The following ACYP2 variants were observed in gnomAD, a reference collection of about 807,000 sequenced individuals.
ACYP2 encodes the protein acylphosphatase 2.
In ACYP2, 12 loss-of-function variants were observed where a neutral mutation model predicts 11.2. That is an observed-to-expected ratio of 1.08 (90% CI 0.69 to 1.74). ACYP2 has a LOEUF of 1.74. ACYP2 is among the 40% of genes most tolerant of loss of function. The pLI is 0.00. For synonymous variants in ACYP2, 43 were observed against 32.2 expected (o/e 1.33, Z -1.13); for missense variants, 134 against 101.9 (o/e 1.31, Z -1.35).
chr2:54,009,326 A>G (rs532509844), intron 2 of ACYP2, among the ~76,000 whole-genome samples: 7 of 152,070 alleles, frequency 4.6e-5, no homozygotes, highest in African/African-American at 7.2e-5. Flanking sequence ...TTGGAGGCCA[A>G]GGTTGACAGA....
At chr2:54,042,009 CTTT>C (rs111463982) in intron 2 of ACYP2, among the ~76,000 whole-genome samples, 13 of 136,546 alleles carry the variant, frequency 9.5e-5, no homozygotes, top group East Asian at 4.3e-4. Flanking sequence ...TTTATTCTTT[CTTT>C]TTTTTTTTTT....
chr2:54,273,769 T>G (rs1442458177), intron 6 of ACYP2, among the ~76,000 whole-genome samples: 1 of 152,208 alleles, frequency 6.6e-6, no homozygotes, highest in Non-Finnish European at 1.5e-5. Context: ...TGGCCACATT[T>G]CTAAACTTTT....
At chr2:54,030,268 C>G (rs1674513739) in intron 2 of ACYP2, among the ~76,000 whole-genome samples, 1 of 152,184 alleles carries the variant, frequency 6.6e-6, no homozygotes, top group African/African-American at 2.4e-5. Context: ...TCCAATGAAT[C>G]TATTCAAACA....
chr2:54,106,720 A>G (rs751317733), intron 4 of ACYP2, among the ~76,000 whole-genome samples: 12 of 151,964 alleles, frequency 7.9e-5, no homozygotes, highest in Non-Finnish European at 1.3e-4. Flanking sequence ...AGTAGCTGGG[A>G]TTATAGGTGC....
At chr2:54,035,311 G>C (rs1395611591) in intron 2 of ACYP2, among the ~76,000 whole-genome samples, 5 of 147,386 alleles carry the variant, frequency 3.4e-5, no homozygotes, top group Admixed American at 1.4e-4. Flanking sequence ...TGTCGCCCAG[G>C]CTGGAGGGCA....
chr2:54,176,192 C>T (rs1683451741), intron 6 of ACYP2, among the ~76,000 whole-genome samples: 1 of 152,172 alleles, frequency 6.6e-6, no homozygotes, highest in Non-Finnish European at 1.5e-5. Context: ...GACCGTATTT[C>T]TTAGCCTGTT....
intron 6 of ACYP2, among the ~76,000 whole-genome samples, chr2:54,193,377 G>A (rs1257555625): frequency 3.3e-5 from 5 of 152,158 alleles, no homozygotes; most frequent in Non-Finnish European, 5.9e-5. Flanking sequence ...TTGATAGAAG[G>A]AAATGTAAGT....
At chr2:54,297,979 T>G (rs1212798487) in intron 6 of ACYP2, among the ~76,000 whole-genome samples, 4 of 152,190 alleles carry the variant, frequency 2.6e-5, no homozygotes, top group Non-Finnish European at 1.5e-5. Context: ...ATAGAATGTA[T>G]GACACAAACA....
intron 6 of ACYP2, among the ~76,000 whole-genome samples, chr2:54,156,511 G>A (rs1327935385): frequency 2.6e-5 from 4 of 152,148 alleles, no homozygotes; most frequent in Admixed American, 6.6e-5. Context: ...AGAACATGCA[G>A]TGTTTGGTTT....
At chr2:54,114,295 A>T (rs1679616854) in intron 4 of ACYP2, among the ~76,000 whole-genome samples, 1 of 151,976 alleles carries the variant, frequency 6.6e-6, no homozygotes, top group Non-Finnish European at 1.5e-5. Context: ...TTTTATATTA[A>T]AACTTGGTAA....
chr2:53,984,512 G>T (rs947716558), intron 2 of ACYP2, among the ~76,000 whole-genome samples: 2 of 151,690 alleles, frequency 1.3e-5, no homozygotes, highest in Non-Finnish European at 2.9e-5. Flanking sequence ...GGGGGGTGGG[G>T]GTTGCAGCGA....
At chr2:54,148,991 C>A (rs185536074) in intron 6 of ACYP2, among the ~76,000 whole-genome samples, 1 of 152,256 alleles carries the variant, frequency 6.6e-6, no homozygotes, top group East Asian at 1.9e-4. Flanking sequence ...GTGGCTCACA[C>A]CTGTAATCCC....
chr2:54,227,033 A>G (rs1184904009), intron 6 of ACYP2, among the ~76,000 whole-genome samples: 1 of 152,202 alleles, frequency 6.6e-6, no homozygotes, highest in Admixed American at 6.5e-5. Flanking sequence ...GAAGGTGCAT[A>G]TATTCTGAAG....
chr2:54,271,283 T>C (rs1301601131), intron 6 of ACYP2, among the ~76,000 whole-genome samples: 1 of 152,226 alleles, frequency 6.6e-6, no homozygotes, highest in Non-Finnish European at 1.5e-5. Flanking sequence ...GTAGGCATAG[T>C]TTCTATAATC....
At chr2:54,256,802 C>T (rs1451792474) in intron 6 of ACYP2, among the ~76,000 whole-genome samples, 2 of 150,332 alleles carry the variant, frequency 1.3e-5, no homozygotes, top group Admixed American at 6.6e-5. Flanking sequence ...CCACCATGCC[C>T]GGTTTTTTTG....
At chr2:54,033,341 T>C (rs1245520651) in intron 2 of ACYP2, among the ~76,000 whole-genome samples, 1 of 151,838 alleles carries the variant, frequency 6.6e-6, no homozygotes, top group African/African-American at 2.4e-5. Context: ...GGGACCCCAG[T>C]TGTGTGCCAC....
rs958708856 is a variant in ACYP2, at chr2:54,154,851, T to A, written c.404+16103T>A. Among the ~76,000 whole-genome samples, 6 of 152,212 alleles carry A rather than the reference T, an allele frequency of 3.9e-5. No homozygotes were observed. The East Asian group carries it at 9.6e-4, about 24-fold the overall frequency. On this transcript the variant is annotated intron_variant, in intron 6 of 6. Coordinates refer to ENST00000607452, the MANE Select transcript of ACYP2 (RefSeq NM_001320586.2). ...TGGAAGAGTTCAAAAAGGATTGATA[T>A]TAGTTTAAATGTTTGGCAGAATTCA... is the stretch of plus-strand genomic sequence containing the variant.
chr2:54,239,080 A>C (rs1686621524), intron 6 of ACYP2, among the ~76,000 whole-genome samples: 1 of 152,134 alleles, frequency 6.6e-6, no homozygotes, highest in Admixed American at 6.5e-5. Flanking sequence ...ACCTAGACCC[A>C]CACAATGTGT....
At chr2:54,218,075 C>T (rs917227840) in intron 6 of ACYP2, among the ~76,000 whole-genome samples, 6 of 152,216 alleles carry the variant, frequency 3.9e-5, no homozygotes, top group African/African-American at 1.4e-4. Context: ...ATTCCCACAA[C>T]CTGTATCTCA....
Sources: gnomAD v4.1 joint callset for allele counts (sites outside exome capture counted in the v4.1 genomes callset) on GRCh38, gnomAD v4.1.1 for gene constraint, MANE v1.5 for transcripts, NCBI Gene and HGNC (gene_info 2026-07-23, HGNC 2026-07-21) for gene names.